Variants in TMEM161B observed in about 807,000 individuals in gnomAD.
The protein encoded by TMEM161B is transmembrane protein 161B.
TMEM161B carries 34 observed loss-of-function variants against 61.8 expected under a neutral mutation model. The observed-to-expected ratio is 0.55, with a 90% CI of 0.42 to 0.73. The LOEUF is 0.73. Among genes scored for constraint, TMEM161B ranks in the 30% least tolerant of loss-of-function variants. The pLI is 0.00. For missense variants in TMEM161B, 456 were observed against 558.5 expected (o/e 0.82, Z 1.85); for synonymous variants, 167 against 192.8 (o/e 0.87, Z 1.11).
intron 5 of TMEM161B, among the ~76,000 whole-genome samples, chr5:88,219,223 T>C (rs1017262840): frequency 1.3e-4 from 20 of 152,214 alleles, no homozygotes; most frequent in African/African-American, 4.8e-4. Flanking sequence ...TCTAAAAACA[T>C]GACATCACTA....
Position 88,233,743 on chromosome 5 carries a change from C to A in TMEM161B, c.108-5215G>T, listed in dbSNP as rs879440184. On this transcript the variant is annotated intron_variant, in intron 2 of 11. Coordinates refer to ENST00000296595, the MANE Select transcript of TMEM161B (RefSeq NM_153354.5). ...ATTTCTGATTTGAAGATGATGGTAC[C>A]TTTTCTGATATGGAAGAGATCAGGA... is the stretch of plus-strand genomic sequence containing the variant. Among the ~76,000 whole-genome samples, 3 of 151,932 alleles carry A rather than the reference C, an allele frequency of 2.0e-5. No homozygotes were observed. The East Asian group carries it at 5.8e-4, about 29-fold the overall frequency.
rs116043777 is a variant in TMEM161B at position 88,224,456 on chromosome 5, G to A, written c.289+1313C>T. Reference sequence around the variant, plus strand: ...AATATTATTTTAAACTAGAATCATTGTCATTATATAATTACAAAAATTGAG... The same window carrying A: ...AATATTATTTTAAACTAGAATCATTATCATTATATAATTACAAAAATTGAG... On this transcript the variant is annotated intron_variant, in intron 4 of 11. Transcript: ENST00000296595. Among the ~76,000 whole-genome samples, 848 of 152,072 alleles carry A rather than the reference G, an allele frequency of 5.6e-3. 14 individuals carry two copies. Among genetic ancestry groups the A allele is most frequent in the African/African-American group, 0.02 (818 of 41,494 alleles).
intron 4 of TMEM161B, chr5:88,221,715 A>G (rs1749019216): frequency 2.2e-6 from 1 of 456,064 alleles, no homozygotes; most frequent in South Asian, 1.5e-5. Context: ...GTTTACTTCT[A>G]CCAGAGTGTA....
chr5:88,197,799 A>C (rs1259926214), intron 10 of TMEM161B, 34 bp from the exon 11 acceptor site: 34 of 1,564,104 alleles, frequency 2.2e-5, no homozygotes, highest in Non-Finnish European at 3.0e-5. Context: ...TGTCTAATGC[A>C]ACTGACATGT....
At chr5:88,268,363 C>T (rs1002006783) in intron 1 of TMEM161B, among the ~76,000 whole-genome samples, 3 of 152,292 alleles carry the variant, frequency 2.0e-5, no homozygotes, top group Non-Finnish European at 4.4e-5. Flanking sequence ...GGCCACTGTT[C>T]CGCGGATGGA....
chr5:88,224,455 T>C (rs1424925186), intron 4 of TMEM161B, among the ~76,000 whole-genome samples: 1 of 152,202 alleles, frequency 6.6e-6, no homozygotes, highest in Admixed American at 6.5e-5. Flanking sequence ...CTAGAATCAT[T>C]GTCATTATAT....
At chr5:88,253,566 A>G (rs1486303044) in intron 1 of TMEM161B, among the ~76,000 whole-genome samples, 2 of 152,232 alleles carry the variant, frequency 1.3e-5, no homozygotes, top group African/African-American at 4.8e-5. Flanking sequence ...GAAGTTCCAC[A>G]TGGCTAGACT....
At chr5:88,253,993 C>CAT (rs1452215251) in intron 1 of TMEM161B, among the ~76,000 whole-genome samples, 1 of 151,162 alleles carries the variant, frequency 6.6e-6, no homozygotes, top group Non-Finnish European at 1.5e-5. Context: ...TACTAGAATA[C>CAT]ATATATATAT....
At chr5:88,196,889 T>C (rs763704168) in intron 11 of TMEM161B, among the ~76,000 whole-genome samples, 3 of 152,154 alleles carry the variant, frequency 2.0e-5, no homozygotes, top group Non-Finnish European at 2.9e-5. Flanking sequence ...TCAGAAACTA[T>C]GATTTCAATG....
intron 11 of TMEM161B, among the ~76,000 whole-genome samples, chr5:88,196,768 T>C (rs1749721346): frequency 6.6e-6 from 1 of 152,074 alleles, no homozygotes; most frequent in African/African-American, 2.4e-5. Flanking sequence ...CAAAACAATT[T>C]CCTCATTGTA....
chr5:88,227,611 A>G (rs1750274052), intron 3 of TMEM161B, among the ~76,000 whole-genome samples: 1 of 152,192 alleles, frequency 6.6e-6, no homozygotes, highest in Non-Finnish European at 1.5e-5. Context: ...CAAATTTCCA[A>G]TTTGATGCCA....
At chr5:88,189,996 G>C in exon 13 of TMEM161B, 1 of 692,496 alleles carries the variant, frequency 1.4e-6, no homozygotes, top group Non-Finnish European at 2.6e-6. Flanking sequence ...AGCCACAAAC[G>C]CCAGCCCATT....
chr5:88,196,890 G>T (rs181930348), intron 11 of TMEM161B, among the ~76,000 whole-genome samples: 35 of 152,152 alleles, frequency 2.3e-4, no homozygotes, highest in African/African-American at 7.7e-4. Context: ...CAGAAACTAT[G>T]ATTTCAATGT....
chr5:88,203,311 G>A (rs975782372), intron 8 of TMEM161B, among the ~76,000 whole-genome samples: 2 of 152,060 alleles, frequency 1.3e-5, no homozygotes, highest in Admixed American at 1.3e-4. Flanking sequence ...ATACAGAAAA[G>A]TTAAATGACT....
chr5:88,268,716 C>G lies in TMEM161B; in HGVS notation c.3+5G>C. 6.2e-7 allele frequency: 1 copy of G among 1,614,154 alleles called. No individual in the cohort carries two copies. The highest frequency in any genetic ancestry group is 8.5e-7 in the Non-Finnish European group (1 of 1,179,998). On this transcript the variant is annotated splice_donor_5th_base_variant and intron_variant, in intron 1 of 11. Transcript: ENST00000296595. Reference sequence around the variant, plus strand: ...TGTCACTCCTGCCCTCACAGAAGAACTCACCATGGCGCCTAGGATAGGTCG... The same window carrying G: ...TGTCACTCCTGCCCTCACAGAAGAAGTCACCATGGCGCCTAGGATAGGTCG...
In TMEM161B at chr5:88,195,185, C is replaced by T; in HGVS notation, c.*1026G>A. ...TAAATACACTCACACATAGGCAACA[C>T]AAATAAATTGCTTACTCTGCTGAAC... On this transcript the variant is annotated 3_prime_UTR_variant, in exon 12 of 12. Transcript: ENST00000296595. 1 of 985,030 alleles carries T rather than the reference C, an allele frequency of 1.0e-6. No homozygotes were observed. The highest frequency in any genetic ancestry group is 1.2e-6 in the Non-Finnish European group (1 of 829,364). The allele number at this position is 985,030 out of a possible 1,614,324, so 61.0% of individuals were successfully genotyped here. A position where few individuals can be genotyped will look rare whatever the true frequency, so the allele number is the denominator to read the frequency against.
At chr5:88,198,578 C>T (rs929158295) in intron 10 of TMEM161B, 1 of 154,288 alleles carries the variant, frequency 6.5e-6, no homozygotes, top group Non-Finnish European at 1.4e-5. Context: ...TAAATACTTA[C>T]ATTTCATGTT....
At chr5:88,250,163 A>G (rs947062796) in intron 1 of TMEM161B, among the ~76,000 whole-genome samples, 6 of 151,960 alleles carry the variant, frequency 3.9e-5, no homozygotes, top group African/African-American at 1.2e-4. Context: ...TCACTCTGCC[A>G]GTTTGCACAG....
At chr5:88,259,137 C>A (rs886304476) in intron 1 of TMEM161B, 1 of 152,086 alleles carries the variant, frequency 6.6e-6, no homozygotes, top group African/African-American at 2.4e-5. Context: ...CTTCACAATC[C>A]GAACCTCTCT....
Sources: gnomAD v4.1 joint callset for allele counts (sites outside exome capture counted in the v4.1 genomes callset) on GRCh38, gnomAD v4.1.1 for gene constraint, MANE v1.5 for transcripts, NCBI Gene and HGNC (gene_info 2026-07-23, HGNC 2026-07-21) for gene names.